PLCH1: variants seen among roughly 807,000 people sequenced by gnomAD.
PLCH1 encodes 1-phosphatidylinositol 4,5-bisphosphate phosphodiesterase eta-1.
In PLCH1, 60 loss-of-function variants were observed where a neutral mutation model predicts 126.7. That is an observed-to-expected ratio of 0.47 (90% CI 0.38 to 0.59). The LOEUF is 0.59. Among genes scored for constraint, PLCH1 ranks in the 20% least tolerant of loss-of-function variants. The pLI is 0.00. For synonymous variants in PLCH1, 719 were observed against 734.9 expected (o/e 0.98, Z 0.35); for missense variants, 1,723 against 2,040.0 (o/e 0.84, Z 2.99).
In PLCH1 at chr3:155,704,191, C is replaced by T. The variant is rs1248096914; in HGVS notation, c.34G>A (p.Val12Met). 2.4e-6 allele frequency: 3 copies of T among 1,230,242 alleles called. No homozygotes were observed. The African/African-American group carries it at 4.7e-5, about 19-fold the overall frequency. The allele number at this position is 1,230,242 out of a possible 1,614,324, so 76.2% of individuals were successfully genotyped here. The change falls in exon 2 of 23, where the codon GTG (valine) becomes ATG (methionine). Residue 12 changes from valine (V) to methionine (M), a missense_variant. This residue lies in a region of PLCH1 where 776 missense variants were observed against 1,062.9 expected (regional missense o/e 0.73). Coordinates refer to ENST00000460012, the MANE Select transcript of PLCH1 (RefSeq NM_014996.4). Reference protein sequence around the residue: ...SYWNLEKRNCVQYRRHFLVDN... With the variant: ...SYWNLEKRNCMQYRRHFLVDN... ...ACCAGAAAATGCCTGCGGTACTGCA[C>T]ACAGTTCCTTTTTTCCAAGTTCCAG...
intron 10 of PLCH1, among the ~76,000 whole-genome samples, chr3:155,526,534 G>T (rs1295557573): frequency 8.1e-6 from 1 of 123,924 alleles, no homozygotes; most frequent in African/African-American, 3.0e-5. Flanking sequence ...ACACACACTG[G>T]TGTCGTGAGC....
At chr3:155,529,555 T>C (rs1384490676) in intron 10 of PLCH1, among the ~76,000 whole-genome samples, 3 of 152,232 alleles carry the variant, frequency 2.0e-5, no homozygotes, top group Admixed American at 2.0e-4. Flanking sequence ...TACTGTAGCC[T>C]ATTAAGTGTG....
intron 2 of PLCH1, among the ~76,000 whole-genome samples, chr3:155,680,103 G>A (rs879656645): frequency 2.6e-5 from 4 of 152,168 alleles, no homozygotes; most frequent in Admixed American, 6.5e-5. Flanking sequence ...AAAAATAGTC[G>A]GCTGGGCGCG....
intron 1 of PLCH1, among the ~76,000 whole-genome samples, chr3:155,728,988 G>A (rs1037782900): frequency 1.3e-5 from 2 of 152,166 alleles, no homozygotes; most frequent in Non-Finnish European, 2.9e-5. Flanking sequence ...CAACTTGTGC[G>A]TAGGTCTAAC....
intron 12 of PLCH1, 87 bp from the exon 13 acceptor site, chr3:155,504,713 C>G: frequency 1.2e-6 from 1 of 827,616 alleles, no homozygotes; most frequent in Admixed American, 2.0e-5. Flanking sequence ...AGGGGGCCCT[C>G]TTTTCTCTTC....
intron 10 of PLCH1, among the ~76,000 whole-genome samples, chr3:155,528,229 CAA>C (rs55712257): frequency 0.8 from 99,791 of 124,186 alleles, 40,356 homozygotes; most frequent in Middle Eastern, 0.93. Context: ...GTCTCCCCAC[CAA>C]AAAAAAAAAA....
At chr3:155,525,240 T>C (rs1721743077) in intron 10 of PLCH1, among the ~76,000 whole-genome samples, 1 of 152,166 alleles carries the variant, frequency 6.6e-6, no homozygotes, top group African/African-American at 2.4e-5. Context: ...ATGGTGTGAA[T>C]GCTGGTGTCC....
intron 1 of PLCH1, among the ~76,000 whole-genome samples, chr3:155,744,366 A>C (rs1749835925): frequency 6.6e-6 from 1 of 152,194 alleles, no homozygotes; most frequent in Non-Finnish European, 1.5e-5. Context: ...GAGCAGGGTC[A>C]CCGGGCGCAG....
At chr3:155,691,655 G>T (rs1019880197) in intron 2 of PLCH1, among the ~76,000 whole-genome samples, 1 of 152,134 alleles carries the variant, frequency 6.6e-6, no homozygotes, top group Non-Finnish European at 1.5e-5. Context: ...ATACCACTTA[G>T]TTTTCCAAAG....
chr3:155,459,210 A>T lies in PLCH1; in HGVS notation c.2938+26146T>A, dbSNP rs936281353. 4.6e-5 allele frequency among the ~76,000 whole-genome samples: 7 copies of T among 152,170 alleles called. No individual in the cohort carries two copies. The South Asian group carries it at 1.2e-3, about 27-fold the overall frequency. On this transcript the variant is annotated intron_variant, in intron 21 of 21. Transcript: ENST00000494598. The stretch of plus-strand genomic sequence containing the variant: ...GGTTAGATACTTATGATGACATTGA[A>T]ATCCTTGATAGGTAGTATGAGGCAG...
chr3:155,722,218 C>T (rs1748002296), intron 1 of PLCH1, among the ~76,000 whole-genome samples: 2 of 151,718 alleles, frequency 1.3e-5, no homozygotes, highest in African/African-American at 4.8e-5. Context: ...GGCTGGAGTG[C>T]AATGACGTGA....
chr3:155,467,751 A>T (rs1222750363), intron 21 of PLCH1, among the ~76,000 whole-genome samples: 1 of 152,238 alleles, frequency 6.6e-6, no homozygotes, highest in East Asian at 1.9e-4. Context: ...ATAACTGGCA[A>T]AAATATCTTT....
chr3:155,577,916 ACTTTC>A, intron 6 of PLCH1, among the ~76,000 whole-genome samples: 1 of 152,318 alleles, frequency 6.6e-6, no homozygotes, highest in East Asian at 1.9e-4. Context: ...TGGGCAAAGG[ACTTTC>A]CTGTTCATCA....
chr3:155,607,846 A>T (rs1229745187), intron 2 of PLCH1, among the ~76,000 whole-genome samples: 1 of 152,206 alleles, frequency 6.6e-6, no homozygotes, highest in Admixed American at 6.5e-5. Context: ...GACAGGACAG[A>T]GTATGGAGAC....
intron 11 of PLCH1, among the ~76,000 whole-genome samples, chr3:155,517,644 C>T (rs920016102): frequency 2.6e-5 from 4 of 152,140 alleles, no homozygotes; most frequent in Admixed American, 6.5e-5. Flanking sequence ...TTAGGGCCCA[C>T]GTGGTTAACC....
chr3:155,545,769 C>T, intron 10 of PLCH1, among the ~76,000 whole-genome samples: 1 of 150,204 alleles, frequency 6.7e-6, no homozygotes, highest in Admixed American at 6.7e-5. Context: ...AGCATATAAA[C>T]AGAACCAAAG....
chr3:155,544,795 C>T (rs13071628), intron 10 of PLCH1, among the ~76,000 whole-genome samples: 75,212 of 144,456 alleles, frequency 0.52, 23,216 homozygotes, highest in Non-Finnish European at 0.72. Flanking sequence ...CTACTGGGTA[C>T]ATAACGAAAT....
intron 2 of PLCH1, among the ~76,000 whole-genome samples, chr3:155,663,396 G>A (rs995800092): frequency 6.6e-6 from 1 of 151,642 alleles, no homozygotes; most frequent in Non-Finnish European, 1.5e-5. Flanking sequence ...AGCAAATCCT[G>A]ACCTAATTCT....
At chr3:155,487,931 G>A in intron 21 of PLCH1, 97 bp downstream of exon 21, 1 of 819,764 alleles carries the variant, frequency 1.2e-6, no homozygotes, top group Admixed American at 2.2e-5. Flanking sequence ...TTCAAGAACA[G>A]TTTGTCAAAA....
Sources: allele counts gnomAD v4.1 joint callset (sites outside exome capture counted in the v4.1 genomes callset), GRCh38; gene constraint gnomAD v4.1.1; regional missense constraint gnomAD v4.1.1; transcripts MANE v1.5; gene names NCBI Gene and HGNC (gene_info 2026-07-23, HGNC 2026-07-21).